UGT1A8: variants seen among roughly 807,000 people sequenced by gnomAD.
UGT1A8 encodes UDP-glucuronosyltransferase 1A8.
A neutral mutation model predicts 45.3 loss-of-function variants in UGT1A8; 39 were observed. That is an observed-to-expected ratio of 0.86 (90% CI 0.67 to 1.12). The LOEUF is 1.12. Ranked by LOEUF, UGT1A8 falls within the 50% of genes most tolerant of loss-of-function variation. The pLI is 0.00. For synonymous variants in UGT1A8, 275 were observed against 249.2 expected (o/e 1.10, Z -0.97); for missense variants, 719 against 664.9 (o/e 1.08, Z -0.90).
intron 1 of UGT1A8, among the ~76,000 whole-genome samples, chr2:233,662,004 G>A (rs1559329601): frequency 6.6e-6 from 1 of 151,996 alleles, no homozygotes; most frequent in Non-Finnish European, 1.5e-5. Context: ...CGTACTGAGT[G>A]GATACTTGCA....
At chr2:233,693,014 C>A in intron 1 of UGT1A8, 1 of 1,614,140 alleles carries the variant, frequency 6.2e-7, no homozygotes, top group South Asian at 1.1e-5. Context: ...GATGGCCTGC[C>A]TCCTTCGCTC....
chr2:233,760,174 G>A (rs1178243322), intron 1 of UGT1A8: 18 of 1,539,292 alleles, frequency 1.2e-5, no homozygotes, highest in Non-Finnish European at 1.5e-5. Flanking sequence ...TGGACTGACA[G>A]CTTTTTATAG....
At position 233,672,810 on chromosome 2, in the gene UGT1A8, C is replaced by T. The variant is rs746379415; in HGVS notation, c.855+54248C>T. On this transcript the variant is annotated intron_variant, in intron 1 of 4. Coordinates refer to ENST00000373450, the MANE Select transcript of UGT1A8 (RefSeq NM_019076.5). Reference sequence around the variant, plus strand: ...CTATGGTAAGTTATCTCTCCTTTAGCACCTTAAGAATACTTCACCTTTGGA... The same window carrying T: ...CTATGGTAAGTTATCTCTCCTTTAGTACCTTAAGAATACTTCACCTTTGGA... 2.5e-6 allele frequency: 4 copies of T among 1,605,850 alleles called. No individual in the cohort carries two copies. The African/African-American group carries it at 4.0e-5, about 16-fold the overall frequency.
At chr2:233,633,185 T>G (rs2073222509) in intron 1 of UGT1A8, among the ~76,000 whole-genome samples, 1 of 152,182 alleles carries the variant, frequency 6.6e-6, no homozygotes, top group South Asian at 2.1e-4. Context: ...GGATAAGCTT[T>G]TTGATGTACT....
At chr2:233,713,139 GACCTCCATGCGAGAGGCC>G in intron 1 of UGT1A8, 2 of 1,614,230 alleles carry the variant, frequency 1.2e-6, no homozygotes, top group Non-Finnish European at 1.7e-6. Context: ...GGCCTTGCGG[GACCTCCATGCGAGAGGCC>G]ACCAGGTGGT....
rs368834284 is a variant in UGT1A8 at position 233,743,991 on chromosome 2, G to A, written c.856-23043G>A. 42 of 1,251,932 alleles carry A rather than the reference G, an allele frequency of 3.4e-5. No individual in the cohort carries two copies. In the South Asian group the frequency reaches 3.7e-4, roughly 11 times the overall value. The allele number at this position is 1,251,932 out of a possible 1,614,324, so 77.6% of individuals were successfully genotyped here. On this transcript the variant is annotated intron_variant, in intron 1 of 4. Transcript: ENST00000373450. ...GCTGCCAGCACCCAGGCGCAGGCCC[G>A]AGTGCTCGGAGACCTGGGCCGCCTG...
At chr2:233,671,763 C>T in intron 1 of UGT1A8, 3 of 1,334,808 alleles carry the variant, frequency 2.2e-6, no homozygotes, top group South Asian at 2.0e-5. Context: ...GCAAAAGCTA[C>T]TCATATATTC....
chr2:233,650,125 C>A (rs2073703310), intron 1 of UGT1A8, among the ~76,000 whole-genome samples: 1 of 152,128 alleles, frequency 6.6e-6, no homozygotes, highest in African/African-American at 2.4e-5. Flanking sequence ...CACATGCCAC[C>A]ACACCCAGCT....
chr2:233,717,672 G>A (rs1559362720), intron 1 of UGT1A8: 4 of 421,080 alleles, frequency 9.5e-6, no homozygotes, highest in Admixed American at 2.5e-5. Flanking sequence ...GCAATCTTGC[G>A]AGCACATGTA....
chr2:233,727,005 A>G (rs937597843), intron 1 of UGT1A8, among the ~76,000 whole-genome samples: 3 of 152,154 alleles, frequency 2.0e-5, no homozygotes, highest in African/African-American at 7.2e-5. Context: ...GCAAAGTTTT[A>G]TCATTTGTTG....
At position 233,699,574 on chromosome 2, in the gene UGT1A8, T is replaced by C. The variant is rs28898582; in HGVS notation, c.856-67460T>C. On this transcript the variant is annotated intron_variant, in intron 1 of 4. Transcript: ENST00000373450. ...CAGGTCATGGCCAGAGCTCTGGCTC[T>C]AGGACATCCTTTCTTCCCAGCCTGG... Among the ~76,000 whole-genome samples, 1,358 of 152,332 alleles carry C rather than the reference T, an allele frequency of 8.9e-3. 31 individuals carry two copies. Among genetic ancestry groups the C allele is most frequent in the African/African-American group, 0.03 (1,267 of 41,582 alleles).
intron 1 of UGT1A8, among the ~76,000 whole-genome samples, chr2:233,695,593 CTTCTGGTAAT>C (rs1373970979): frequency 6.6e-6 from 1 of 151,798 alleles, no homozygotes; most frequent in Admixed American, 6.6e-5. Flanking sequence ...CCCTTTCCAC[CTTCTGGTAAT>C]TACCAATGAA....
At chr2:233,709,031 A>G (rs1166379851) in intron 1 of UGT1A8, among the ~76,000 whole-genome samples, 3 of 152,146 alleles carry the variant, frequency 2.0e-5, no homozygotes, top group Non-Finnish European at 4.4e-5. Context: ...CAGGGGCTTC[A>G]GCCTGAGTTC....
chr2:233,747,449 C>G (rs1200553651), intron 1 of UGT1A8: 3 of 1,608,916 alleles, frequency 1.9e-6, no homozygotes, highest in Non-Finnish European at 2.6e-6. Flanking sequence ...CCCTGACAAC[C>G]TATGCCATTT....
At chr2:233,636,719 T>A in intron 1 of UGT1A8, 1 of 1,614,170 alleles carries the variant, frequency 6.2e-7, no homozygotes, top group Middle Eastern at 1.7e-4. Flanking sequence ...AGTTGGCAAC[T>A]GGAAAGATCA....
chr2:233,769,644 G>T lies in UGT1A8; in HGVS notation c.1295+1205G>T. The T allele has an allele frequency of 1.2e-6, 2 of 1,608,952 alleles. No homozygotes were observed. Among genetic ancestry groups the T allele is most frequent in the South Asian group, 2.2e-5 (2 of 90,446 alleles). On this transcript the variant is annotated intron_variant, in intron 4 of 4. Transcript: ENST00000373450. This position sits in a 1 kb window ranked among gnomAD's most constrained non-coding sequence, Gnocchi z 4.4. The stretch of plus-strand genomic sequence containing the variant: ...CAAGGGACAACAGGGGAGGACTGAT[G>T]ACTGACTTCCCACCTTTGAGGTGCT...
At chr2:233,658,514 T>C (rs1166615486) in intron 1 of UGT1A8, among the ~76,000 whole-genome samples, 1 of 152,214 alleles carries the variant, frequency 6.6e-6, no homozygotes, top group Non-Finnish European at 1.5e-5. Flanking sequence ...TCATCTCCTG[T>C]ACCGTGTGAC....
intron 1 of UGT1A8, chr2:233,747,633 C>T (rs1217240528): frequency 4.9e-5 from 78 of 1,580,658 alleles, no homozygotes; most frequent in Non-Finnish European, 6.7e-5. Flanking sequence ...GATCAGGCAC[C>T]TGAATGCTAC....
At chr2:233,722,318 G>A (rs1376337551) in intron 1 of UGT1A8, among the ~76,000 whole-genome samples, 1 of 152,064 alleles carries the variant, frequency 6.6e-6, no homozygotes, top group Non-Finnish European at 1.5e-5. Context: ...TACTTGGTTT[G>A]GTTGACCCTT....
Sources: allele counts gnomAD v4.1 joint callset (sites outside exome capture counted in the v4.1 genomes callset), GRCh38; gene constraint gnomAD v4.1.1; non-coding constraint Gnocchi (gnomAD v3.1); transcripts MANE v1.5; gene names NCBI Gene and HGNC (gene_info 2026-07-23, HGNC 2026-07-21).